The following ISG20 variants were observed in gnomAD, a reference collection of about 807,000 sequenced individuals.
The protein encoded by ISG20 is interferon-stimulated gene 20 kDa protein.
A neutral mutation model predicts 11.1 loss-of-function variants in ISG20; 8 were observed. The observed-to-expected ratio is 0.72, with a 90% CI of 0.42 to 1.30. The LOEUF (loss-of-function observed/expected upper bound fraction) is 1.30, where lower values mean the gene tolerates loss of function less well. ISG20 is among the 50% of genes most tolerant of loss of function. The pLI is 0.01. For synonymous variants in ISG20, 110 were observed against 101.7 expected (o/e 1.08, Z -0.49); for missense variants, 243 against 250.2 (o/e 0.97, Z 0.19).
rs114326750 is a variant in ISG20 at position 88,643,763 on chromosome 15, C to G, written c.228+4169C>G. Among the ~76,000 whole-genome samples the G allele has an allele frequency of 6.6e-6, 1 of 152,150 alleles. No individual in the cohort carries two copies. Among genetic ancestry groups the G allele is most frequent in the Non-Finnish European group, 1.5e-5 (1 of 68,026 alleles). On this transcript the variant is annotated intron_variant, in intron 2 of 3. Transcript: ENST00000306072. The surrounding 1 kb of genome is among the most constrained non-coding windows in gnomAD (Gnocchi z 4.4). ...TATATTTCTATTGGACAACACTGTT[C>G]TAGAAGTACAGATTGAGTAGCCCTT... is the stretch of plus-strand genomic sequence containing the variant.
At chr15:88,653,333 G>C (rs1364266022) in intron 3 of ISG20, among the ~76,000 whole-genome samples, 1 of 152,166 alleles carries the variant, frequency 6.6e-6, no homozygotes, top group African/African-American at 2.4e-5. Context: ...ACAGAGCCTG[G>C]AGGGTCTTAG....
Position 88,655,662 on chromosome 15 carries a change from T to C in ISG20, c.*131T>C, listed in dbSNP as rs566990662. 83 of 598,784 alleles carry C rather than the reference T, an allele frequency of 1.4e-4. No homozygotes were observed. In the South Asian group the frequency reaches 1.7e-3, roughly 12 times the overall value. The allele number at this position is 598,784 out of a possible 1,614,324, so 37.1% of individuals were successfully genotyped here. A position where few individuals can be genotyped will look rare whatever the true frequency, so the allele number is the denominator to read the frequency against. On this transcript the variant is annotated 3_prime_UTR_variant, in exon 4 of 4. Coordinates refer to ENST00000306072, the MANE Select transcript of ISG20 (RefSeq NM_002201.6). Reference sequence around the variant, plus strand: ...TTTTCTCTACGCCATCACTGGGTCCTCTTCTTATTCTTCTCTCCAAGCTGG... The same window carrying C: ...TTTTCTCTACGCCATCACTGGGTCCCCTTCTTATTCTTCTCTCCAAGCTGG...
Position 88,650,532 on chromosome 15 carries a change from CTT to C in ISG20, c.229-1577_229-1576del. 1 of 1,247,298 alleles carries C rather than the reference CTT, an allele frequency of 8.0e-7. No individual in the cohort carries two copies. The highest frequency in any genetic ancestry group is 1.6e-5 in the South Asian group (1 of 63,354). The allele number at this position is 1,247,298 out of a possible 1,614,324, so 77.3% of individuals were successfully genotyped here. A position where few individuals can be genotyped will look rare whatever the true frequency, so the allele number is the denominator to read the frequency against. ...TGGTGCTTGGCAAATCACACCAAAACTTACCGGTTCAAACAATGTCAATACTT... is the reference window on the plus strand; with the variant it reads ...TGGTGCTTGGCAAATCACACCAAAACACCGGTTCAAACAATGTCAATACTT... On this transcript the variant is annotated intron_variant, in intron 2 of 3. Transcript: ENST00000306072. This position sits in a 1 kb window ranked among gnomAD's most constrained non-coding sequence, Gnocchi z 4.0.
At position 88,650,158 on chromosome 15, in the gene ISG20, G is replaced by C; in HGVS notation, c.229-1952G>C. The C allele has an allele frequency of 2.5e-6, 3 of 1,210,766 alleles. No individual in the cohort carries two copies. In the South Asian group the frequency reaches 3.9e-5, roughly 16 times the overall value. The allele number at this position is 1,210,766 out of a possible 1,614,324, so 75.0% of individuals were successfully genotyped here. ...AGAGAAGGAGACGAAGGCTGTCCTA[G>C]AGCTGTCCAAAGTGGGCCTGGACTA... On this transcript the variant is annotated intron_variant, in intron 2 of 3. Transcript: ENST00000306072. This position sits in a 1 kb window ranked among gnomAD's most constrained non-coding sequence, Gnocchi z 4.0.
At chr15:88,653,627 G>A (rs1851985099) in intron 3 of ISG20, among the ~76,000 whole-genome samples, 2 of 152,096 alleles carry the variant, frequency 1.3e-5, no homozygotes, top group African/African-American at 4.8e-5. Context: ...CTGTCCCTGG[G>A]CTCATTAAGC....
intron 2 of ISG20, among the ~76,000 whole-genome samples, chr15:88,645,700 C>T (rs962519249): frequency 6.6e-6 from 1 of 152,132 alleles, no homozygotes; most frequent in African/African-American, 2.4e-5. Context: ...CCCCATCCCT[C>T]TCCCTAGAAA....
At position 88,639,816 on chromosome 15, in the gene ISG20, T is replaced by C. The variant is rs1005048014; in HGVS notation, c.228+222T>C. ...CTGGAAGCCGCCTTTGGGGCATCTATCTGGATCTGGTCCAACTTGCCGGTC... is the reference window on the plus strand; with the variant it reads ...CTGGAAGCCGCCTTTGGGGCATCTACCTGGATCTGGTCCAACTTGCCGGTC... On this transcript the variant is annotated intron_variant, in intron 2 of 3. Transcript: ENST00000306072. This position sits in a 1 kb window ranked among gnomAD's most constrained non-coding sequence, Gnocchi z 4.2. Among the ~76,000 whole-genome samples the C allele has an allele frequency of 6.6e-6, 1 of 152,194 alleles. No individual in the cohort carries two copies. The highest frequency in any genetic ancestry group is 1.5e-5 in the Non-Finnish European group (1 of 68,024).
Position 88,639,510 on chromosome 15 carries a change from G to A in ISG20, c.144G>A (p.Glu48=), listed in dbSNP as rs773736161. 26 of 1,614,074 alleles carry A rather than the reference G, an allele frequency of 1.6e-5. No homozygotes were observed. Among genetic ancestry groups the A allele is most frequent in the Non-Finnish European group, 2.1e-5 (25 of 1,180,034 alleles). Reference sequence around the variant, plus strand: ...ACAAGTTCATCCGGCCTGAGGGAGAGATCACCGATTACAGAACCCGGGTCA... The same window carrying A: ...ACAAGTTCATCCGGCCTGAGGGAGAAATCACCGATTACAGAACCCGGGTCA... ...LYDKFIRPEG[E]ITDYRTRVSG... is the part of the protein sequence containing the mutation. The change falls in exon 2 of 4, where the codon GAG becomes GAA. Residue 48 remains glutamate, a synonymous_variant. Transcript: ENST00000306072. This position sits in a 1 kb window ranked among gnomAD's most constrained non-coding sequence, Gnocchi z 4.2.
chr15:88,651,415 T>A, intron 2 of ISG20: 1 of 477,204 alleles, frequency 2.1e-6, no homozygotes, highest in Non-Finnish European at 2.7e-6. Flanking sequence ...AAAATCAAAG[T>A]GTCAGTGGGG....
Position 88,639,186 on chromosome 15 carries a change from A to G in ISG20, c.-25+110A>G, listed in dbSNP as rs1438074966. 3 of 605,820 alleles carry G rather than the reference A, an allele frequency of 5.0e-6. No individual in the cohort carries two copies. Among genetic ancestry groups the G allele is most frequent in the Non-Finnish European group, 8.8e-6 (3 of 341,960 alleles). The allele number at this position is 605,820 out of a possible 1,614,324, so 37.5% of individuals were successfully genotyped here. On this transcript the variant is annotated intron_variant, in intron 1 of 3. Transcript: ENST00000306072. This position sits in a 1 kb window ranked among gnomAD's most constrained non-coding sequence, Gnocchi z 4.2. Reference sequence around the variant, plus strand: ...CTGGGACACACGGGCAGGGTAAGGCAGGGGATGGGGGAGGCAAGAGGCCAG... The same window carrying G: ...CTGGGACACACGGGCAGGGTAAGGCGGGGGATGGGGGAGGCAAGAGGCCAG...
intron 3 of ISG20, among the ~76,000 whole-genome samples, chr15:88,652,733 G>A (rs2058308457): frequency 6.8e-6 from 1 of 147,670 alleles, no homozygotes; most frequent in Non-Finnish European, 1.5e-5. Flanking sequence ...CTGGTAGAGT[G>A]AGGATGAGGG....
intron 2 of ISG20, among the ~76,000 whole-genome samples, chr15:88,640,619 C>T (rs770049047): frequency 1.4e-4 from 22 of 151,990 alleles, no homozygotes; most frequent in African/African-American, 4.1e-4. Context: ...TGGGTTATTG[C>T]GAGGATTGAG....
chr15:88,652,374 C>T, intron 3 of ISG20, 64 bp downstream of exon 3: 1 of 775,702 alleles, frequency 1.3e-6, no homozygotes, highest in Non-Finnish European at 1.9e-6. Context: ...CCTCCTCACC[C>T]ATCTCCATTT....
In ISG20 at chr15:88,639,668, G is replaced by A; in HGVS notation, c.228+74G>A. 2 of 1,202,626 alleles carry A rather than the reference G, an allele frequency of 1.7e-6. No individual in the cohort carries two copies. Among genetic ancestry groups the A allele is most frequent in the Non-Finnish European group, 1.2e-6 (1 of 831,288 alleles). 74.5% of individuals were successfully genotyped at this position (1,202,626 alleles called of 1,614,324 possible). ...ACTTCCCTGGCCCCTCTTCCCTGGT[G>A]CCCATCTGTGACCTGTGACCCCACT... is the stretch of plus-strand genomic sequence containing the variant. On this transcript the variant is annotated intron_variant, in intron 2 of 3. Coordinates refer to ENST00000306072, the MANE Select transcript of ISG20 (RefSeq NM_002201.6). The surrounding 1 kb of genome is among the most constrained non-coding windows in gnomAD (Gnocchi z 4.2).
intron 2 of ISG20, chr15:88,647,167 G>A (rs751912081): frequency 6.6e-6 from 1 of 152,256 alleles, no homozygotes; most frequent in Non-Finnish European, 1.5e-5. Context: ...AGTAGCCCAT[G>A]GTGGCCAGGA....
chr15:88,650,636 G>C lies in ISG20; in HGVS notation c.229-1474G>C. 2.6e-6 allele frequency: 1 copy of C among 383,922 alleles called. No homozygotes were observed. The highest frequency in any genetic ancestry group is 2.1e-5 in the African/African-American group (1 of 47,834). 23.8% of individuals were successfully genotyped at this position (383,922 alleles called of 1,614,324 possible). A position where few individuals can be genotyped will look rare whatever the true frequency, so the allele number is the denominator to read the frequency against. On this transcript the variant is annotated intron_variant, in intron 2 of 3. Coordinates refer to ENST00000306072, the MANE Select transcript of ISG20 (RefSeq NM_002201.6). This position sits in a 1 kb window ranked among gnomAD's most constrained non-coding sequence, Gnocchi z 4.0. ...CGTCAGTTAAGGCACCTTGAAGGCT[G>C]GGGGCTGGAACCATTGGAAGGTTTG...
Position 88,652,359 on chromosome 15 carries a change from C to T in ISG20, c.429+49C>T, listed in dbSNP as rs774916071. ...CTCCTCCCCCCTCCTCCCCCTCCTC[C>T]CCCTCCTCCTCACCCATCTCCATTT... On this transcript the variant is annotated intron_variant, in intron 3 of 3. Coordinates refer to ENST00000306072, the MANE Select transcript of ISG20 (RefSeq NM_002201.6). The T allele has an allele frequency of 1.1e-5, 12 of 1,102,306 alleles. No individual in the cohort carries two copies. The Admixed American group carries it at 2.7e-4, about 25-fold the overall frequency. 68.3% of individuals were successfully genotyped at this position (1,102,306 alleles called of 1,614,324 possible).
Position 88,642,924 on chromosome 15 carries a change from G to A in ISG20, c.228+3330G>A, listed in dbSNP as rs375120103. Reference sequence around the variant, plus strand: ...AGCCACTGCATCTGGCTGAAGCCTTGTATTTAAAAAAGAGACAGGCCAGAT... The same window carrying A: ...AGCCACTGCATCTGGCTGAAGCCTTATATTTAAAAAAGAGACAGGCCAGAT... On this transcript the variant is annotated intron_variant, in intron 2 of 3. Transcript: ENST00000306072. Among the ~76,000 whole-genome samples, 67 of 147,948 alleles carry A rather than the reference G, an allele frequency of 4.5e-4. 1 individual carries two copies. The East Asian group carries it at 0.015, about 33-fold the overall frequency.
rs1050981538 is a variant in ISG20 at position 88,639,286 on chromosome 15, C to T, written c.-24-57C>T. On this transcript the variant is annotated intron_variant, in intron 1 of 3. Transcript: ENST00000306072. The surrounding 1 kb of genome is among the most constrained non-coding windows in gnomAD (Gnocchi z 4.2). Reference sequence around the variant, plus strand: ...AAGGCCAGCTGGGGTTGGCTGAGGACACCTGGAGGCTTGGTTTGCCCAAGC... The same window carrying T: ...AAGGCCAGCTGGGGTTGGCTGAGGATACCTGGAGGCTTGGTTTGCCCAAGC... 32 of 1,116,290 alleles carry T rather than the reference C, an allele frequency of 2.9e-5. No homozygotes were observed. Among genetic ancestry groups the T allele is most frequent in the Non-Finnish European group, 3.6e-5 (28 of 781,286 alleles). 69.1% of individuals were successfully genotyped at this position (1,116,290 alleles called of 1,614,324 possible).
Sources: allele counts gnomAD v4.1 joint callset (sites outside exome capture counted in the v4.1 genomes callset), GRCh38; gene constraint gnomAD v4.1.1; non-coding constraint Gnocchi (gnomAD v3.1); transcripts MANE v1.5; gene names NCBI Gene and HGNC (gene_info 2026-07-23, HGNC 2026-07-21).